The following CADM1 variants were observed in gnomAD, a reference collection of about 807,000 sequenced individuals.
CADM1 encodes TSLC-1.
Under a neutral mutation model 53.1 loss-of-function variants are expected in CADM1, and 15 were observed. That is an observed-to-expected ratio of 0.28 (90% confidence interval 0.19 to 0.44). CADM1 has a LOEUF of 0.44. Among genes scored for constraint, CADM1 ranks in the 20% least tolerant of loss-of-function variants. The pLI is 1.00. For synonymous variants in CADM1, 281 were observed against 243.0 expected (o/e 1.16, Z -1.45); for missense variants, 434 against 611.3 (o/e 0.71, Z 3.06).
intron 9 of CADM1, 141 bp from the exon 10 acceptor site, chr11:115,191,082 T>A: frequency 1.5e-6 from 1 of 673,346 alleles, no homozygotes; most frequent in Admixed American, 2.6e-5. Context: ...AATGTATTAA[T>A]CCATAAGTAC....
At chr11:115,371,972 CT>C (rs1452423212) in intron 1 of CADM1, among the ~76,000 whole-genome samples, 1 of 152,168 alleles carries the variant, frequency 6.6e-6, no homozygotes, top group African/African-American at 2.4e-5. Flanking sequence ...ACCTTTTCAT[CT>C]GATATCATCA....
intron 1 of CADM1, among the ~76,000 whole-genome samples, chr11:115,250,353 T>C (rs1942562346): frequency 6.6e-6 from 1 of 152,230 alleles, no homozygotes; most frequent in Non-Finnish European, 1.5e-5. Flanking sequence ...TGTTAAGAGG[T>C]ACTGTGATTA....
intron 1 of CADM1, among the ~76,000 whole-genome samples, chr11:115,301,302 G>A (rs1944214826): frequency 6.6e-6 from 1 of 152,050 alleles, no homozygotes; most frequent in South Asian, 2.1e-4. Flanking sequence ...CACTTTCTAT[G>A]TGTATGACAC....
chr11:115,261,819 G>T (rs1942982496), intron 1 of CADM1, among the ~76,000 whole-genome samples: 1 of 147,678 alleles, frequency 6.8e-6, no homozygotes, highest in Admixed American at 6.7e-5. Flanking sequence ...TCACTCTGTT[G>T]CCCAGGCTGG....
intron 1 of CADM1, among the ~76,000 whole-genome samples, chr11:115,416,665 C>A (rs1030680170): frequency 6.6e-6 from 1 of 151,228 alleles, no homozygotes; most frequent in South Asian, 2.1e-4. Flanking sequence ...TAGCCTCAAA[C>A]CCCCTTCATG....
intron 1 of CADM1, among the ~76,000 whole-genome samples, chr11:115,394,702 A>G (rs1323952479): frequency 6.6e-6 from 1 of 152,216 alleles, no homozygotes; most frequent in Non-Finnish European, 1.5e-5. Flanking sequence ...TGTGGAACCC[A>G]ATGTCAAAAA....
intron 1 of CADM1, among the ~76,000 whole-genome samples, chr11:115,456,781 G>A (rs147141063): frequency 8.7e-4 from 132 of 152,236 alleles, no homozygotes; most frequent in African/African-American, 2.9e-3. Context: ...TATGTCATGT[G>A]TATTATAAAC....
At chr11:115,279,230 T>C (rs1943523878) in intron 1 of CADM1, among the ~76,000 whole-genome samples, 1 of 152,166 alleles carries the variant, frequency 6.6e-6, no homozygotes, top group Non-Finnish European at 1.5e-5. Context: ...TATTTCTAAT[T>C]GTAATATATT....
rs930283308 is a variant in CADM1 at position 115,172,455 on chromosome 11, G to A, written c.*4019C>T. 4 of 152,232 alleles carry A rather than the reference G, an allele frequency of 2.6e-5. No individual in the cohort carries two copies. Among genetic ancestry groups the A allele is most frequent in the South Asian group, 2.1e-4 (1 of 4,826 alleles). 9.4% of individuals were successfully genotyped at this position (152,232 alleles called of 1,614,324 possible). On this transcript the variant is annotated 3_prime_UTR_variant, in exon 12 of 12. Coordinates refer to ENST00000331581, the MANE Select transcript of CADM1 (RefSeq NM_001301043.2). ...CTTTTGACTCACATTCCTTCTCCAC[G>A]AAACCATCCTTTAAGATCCAGCTGG...
intron 1 of CADM1, among the ~76,000 whole-genome samples, chr11:115,394,445 G>A (rs963888733): frequency 3.3e-5 from 5 of 151,648 alleles, no homozygotes; most frequent in South Asian, 2.1e-4. Context: ...CAAGAACCAC[G>A]AGACATGTGA....
intron 1 of CADM1, among the ~76,000 whole-genome samples, chr11:115,300,155 C>T (rs992901988): frequency 6.6e-6 from 1 of 152,058 alleles, no homozygotes; most frequent in Non-Finnish European, 1.5e-5. Flanking sequence ...AACATAGATA[C>T]ATACAACTCT....
At chr11:115,317,059 T>A (rs1029679709) in intron 1 of CADM1, among the ~76,000 whole-genome samples, 1 of 152,114 alleles carries the variant, frequency 6.6e-6, no homozygotes. Flanking sequence ...CTTAAACACC[T>A]AGGACATTTA....
At chr11:115,407,674 G>T (rs1306346056) in intron 1 of CADM1, among the ~76,000 whole-genome samples, 1 of 151,882 alleles carries the variant, frequency 6.6e-6, no homozygotes, top group Non-Finnish European at 1.5e-5. Flanking sequence ...CAGGAAGATT[G>T]CCTGGGCAAC....
At chr11:115,351,211 T>C (rs774504658) in intron 1 of CADM1, among the ~76,000 whole-genome samples, 2 of 152,186 alleles carry the variant, frequency 1.3e-5, no homozygotes, top group African/African-American at 4.8e-5. Context: ...TTCCACCATG[T>C]TTGCAATTTC....
At chr11:115,352,564 G>A (rs940947374) in intron 1 of CADM1, among the ~76,000 whole-genome samples, 2 of 152,118 alleles carry the variant, frequency 1.3e-5, no homozygotes, top group Admixed American at 6.6e-5. Flanking sequence ...AAATATTACA[G>A]GATGAGCAAA....
At chr11:115,282,400 A>G (rs1471858057) in intron 1 of CADM1, among the ~76,000 whole-genome samples, 1 of 152,162 alleles carries the variant, frequency 6.6e-6, no homozygotes, top group East Asian at 1.9e-4. Context: ...ACCTAGATAC[A>G]TGATTATGAG....
intron 1 of CADM1, among the ~76,000 whole-genome samples, chr11:115,360,410 G>A (rs1014459516): frequency 6.6e-6 from 1 of 152,080 alleles, no homozygotes; most frequent in Non-Finnish European, 1.5e-5. Flanking sequence ...ATGATAACAG[G>A]GCCTGTACAT....
At chr11:115,340,070 T>A (rs1463780081) in intron 1 of CADM1, 1 of 152,120 alleles carries the variant, frequency 6.6e-6, no homozygotes, top group Non-Finnish European at 1.5e-5. Context: ...AAGATGAGAT[T>A]CCAAATTACC....
intron 1 of CADM1, among the ~76,000 whole-genome samples, chr11:115,502,939 C>G (rs1591313082): frequency 6.6e-6 from 1 of 152,182 alleles, no homozygotes; most frequent in South Asian, 2.1e-4. Flanking sequence ...GGGCTGAGCT[C>G]TCGGCGTCCT....
Sources: gnomAD v4.1 joint callset for allele counts (sites outside exome capture counted in the v4.1 genomes callset) on GRCh38, gnomAD v4.1.1 for gene constraint, MANE v1.5 for transcripts, NCBI Gene and HGNC (gene_info 2026-07-23, HGNC 2026-07-21) for gene names.